MFSD11: variants seen among roughly 807,000 people sequenced by gnomAD.
The protein encoded by MFSD11 is major facilitator superfamily domain containing 11, also known as UNC93-like protein MFSD11.
In MFSD11, 36 loss-of-function variants were observed where a neutral mutation model predicts 53.5. The observed-to-expected ratio is 0.67, with a 90% CI of 0.52 to 0.89. MFSD11 has a LOEUF of 0.89. Among genes scored for constraint, MFSD11 ranks in the 40% least tolerant of loss-of-function variants. The probability of loss-of-function intolerance (pLI) is 0.00; values close to 1 mark genes in which losing one functional copy is unlikely to be tolerated. For missense variants in MFSD11, 530 were observed against 543.9 expected (o/e 0.97, Z 0.25); for synonymous variants, 186 against 184.9 (o/e 1.01, Z -0.05).
chr17:76,765,329 ATATATTCTT>A (rs1432023318), intron 8 of MFSD11, among the ~76,000 whole-genome samples: 3 of 151,896 alleles, frequency 2.0e-5, no homozygotes, highest in Admixed American at 6.6e-5. Context: ...AGATAGATAG[ATATATTCTT>A]ATGCCAGTAC....
At chr17:76,801,780 G>A in the MFSD11 span, among the ~76,000 whole-genome samples, 1 of 152,048 alleles carries the variant, frequency 6.6e-6, no homozygotes, top group Non-Finnish European at 1.5e-5. Flanking sequence ...GCTTTTGGTG[G>A]GTTTGGCTGG....
intron 5 of MFSD11, 138 bp from the exon 6 acceptor site, chr17:76,743,260 C>A: frequency 1.8e-6 from 1 of 570,560 alleles, no homozygotes; most frequent in South Asian, 2.6e-5. Flanking sequence ...TTTAAATGAC[C>A]CAGGACAGGT....
At chr17:76,760,129 G>C (rs973816627) in intron 8 of MFSD11, among the ~76,000 whole-genome samples, 5 of 151,144 alleles carry the variant, frequency 3.3e-5, no homozygotes, top group Non-Finnish European at 5.9e-5. Flanking sequence ...TTAGCCAGGC[G>C]TGGTGGCTGG....
At chr17:76,766,696 T>C (rs16969262) in intron 8 of MFSD11, among the ~76,000 whole-genome samples, 10,609 of 152,258 alleles carry the variant, frequency 0.07, 786 homozygotes, top group East Asian at 0.39. Flanking sequence ...CCAGCAGATA[T>C]ATCACAATTA....
At chr17:76,766,253 C>T (rs2080840301) in intron 8 of MFSD11, among the ~76,000 whole-genome samples, 1 of 151,400 alleles carries the variant, frequency 6.6e-6, no homozygotes, top group South Asian at 2.1e-4. Flanking sequence ...CCCTTCTCTA[C>T]TAAAAGTACA....
intron 8 of MFSD11, among the ~76,000 whole-genome samples, chr17:76,756,512 C>T (rs528069991): frequency 9.8e-5 from 15 of 152,302 alleles, no homozygotes; most frequent in Middle Eastern, 6.8e-3. Context: ...GGAGGTCAAT[C>T]ACTGTCAAAA....
downstream of MFSD11, among the ~76,000 whole-genome samples, chr17:76,784,172 C>A (rs1236652365): frequency 6.6e-6 from 1 of 152,146 alleles, no homozygotes; most frequent in Admixed American, 6.6e-5. Flanking sequence ...ATTTGTACAC[C>A]CATATTCATA....
At chr17:76,764,623 C>T (rs933793161) in intron 8 of MFSD11, among the ~76,000 whole-genome samples, 8 of 152,294 alleles carry the variant, frequency 5.3e-5, no homozygotes, top group Admixed American at 3.9e-4. Context: ...GTATATACCA[C>T]ATTTTCTTTA....
At chr17:76,759,828 T>A (rs907106120) in intron 8 of MFSD11, among the ~76,000 whole-genome samples, 1 of 136,010 alleles carries the variant, frequency 7.4e-6, no homozygotes, top group African/African-American at 2.7e-5. Context: ...TTGGCCAGAC[T>A]GGTTTTGAAC....
the MFSD11 span, among the ~76,000 whole-genome samples, chr17:76,786,495 G>C: frequency 0.014 from 2,111 of 152,274 alleles, 35 homozygotes; most frequent in Non-Finnish European, 0.02. Flanking sequence ...CTCAGCACGT[G>C]TTGAACTCAA....
Position 76,738,356 on chromosome 17 carries a change from T to TC in MFSD11, c.8dup (p.Glu4GlyfsTer3), listed in dbSNP as rs1307859118. The TC allele has an allele frequency of 1.2e-6, 2 of 1,613,728 alleles. No homozygotes were observed. Among genetic ancestry groups the TC allele is most frequent in the Non-Finnish European group, 1.7e-6 (2 of 1,179,744 alleles). ...CCTCCGGCAGAGCTGAGCCAAAATG[T>TC]CCCCGGAATCTAAAAAGCTTTTCAA... On this transcript the variant is annotated frameshift_variant, in exon 1 of 13. Transcript: ENST00000685175. LOFTEE classifies it high-confidence loss of function.
downstream of MFSD11, among the ~76,000 whole-genome samples, chr17:76,782,187 T>G (rs2082179959): frequency 6.6e-6 from 1 of 151,658 alleles, no homozygotes; most frequent in African/African-American, 2.4e-5. Context: ...TTTATTTTTA[T>G]TTTTTGAGAT....
chr17:76,772,875 T>C (rs2081493771), intron 10 of MFSD11, among the ~76,000 whole-genome samples: 1 of 152,160 alleles, frequency 6.6e-6, no homozygotes, highest in Non-Finnish European at 1.5e-5. Flanking sequence ...GAAAACAGCA[T>C]ACCTTTTAAG....
In MFSD11 at chr17:76,744,216, A is replaced by G. The variant is rs1008301152; in HGVS notation, c.497-106A>G. On this transcript the variant is annotated intron_variant, in intron 6 of 12. Transcript: ENST00000685175. ...TTTTTACTGATGCATTAAAGTAAAAATGTAACGAGGAAGTGTGTTGACAGT... is the reference window on the plus strand; with the variant it reads ...TTTTTACTGATGCATTAAAGTAAAAGTGTAACGAGGAAGTGTGTTGACAGT... 7 of 1,091,026 alleles carry G rather than the reference A, an allele frequency of 6.4e-6. No homozygotes were observed. In the African/African-American group the frequency reaches 1.1e-4, roughly 18 times the overall value. The allele number at this position is 1,091,026 out of a possible 1,614,324, so 67.6% of individuals were successfully genotyped here.
the MFSD11 span, among the ~76,000 whole-genome samples, chr17:76,799,785 C>A: frequency 7.0e-3 from 1,062 of 152,082 alleles, 15 homozygotes; most frequent in African/African-American, 0.023. Flanking sequence ...AAGCTTAAAG[C>A]TTACAAGTCA....
the MFSD11 span, among the ~76,000 whole-genome samples, chr17:76,799,848 A>C: frequency 1.3e-5 from 2 of 152,030 alleles, no homozygotes; most frequent in Non-Finnish European, 2.9e-5. Context: ...TTATCTGATC[A>C]GATGCATCAT....
At chr17:76,743,691 A>G (rs890327438) in intron 6 of MFSD11, among the ~76,000 whole-genome samples, 2 of 152,122 alleles carry the variant, frequency 1.3e-5, no homozygotes, top group Admixed American at 1.3e-4. Context: ...ATCTTGGCTC[A>G]CCGCAACCTC....
chr17:76,738,082 C>G, upstream of MFSD11: 2 of 483,748 alleles, frequency 4.1e-6, no homozygotes. Context: ...GCCCCTCAAC[C>G]TGGAGCGGAT....
chr17:76,756,952 C>T (rs1289906378), intron 8 of MFSD11, among the ~76,000 whole-genome samples: 1 of 152,064 alleles, frequency 6.6e-6, no homozygotes, highest in African/African-American at 2.4e-5. Flanking sequence ...GCAATTTAAC[C>T]ATTTTTGATG....
Sources: gnomAD v4.1 joint callset for allele counts (sites outside exome capture counted in the v4.1 genomes callset) on GRCh38, gnomAD v4.1.1 for gene constraint, MANE v1.5 for transcripts, NCBI Gene and HGNC (gene_info 2026-07-23, HGNC 2026-07-21) for gene names.